TCF7: variants seen among roughly 807,000 people sequenced by gnomAD.
TCF7 encodes the protein transcription factor 7, also known as T-cell-factor-7.
In TCF7, 19 loss-of-function variants were observed where a neutral mutation model predicts 46.8. That is an observed-to-expected ratio of 0.41 (90% CI 0.28 to 0.60). TCF7 has a LOEUF of 0.60. Among genes scored for constraint, TCF7 ranks in the 20% least tolerant of loss-of-function variants. The probability of loss-of-function intolerance (pLI) is 0.35; values close to 1 mark genes in which losing one functional copy is unlikely to be tolerated. For synonymous variants in TCF7, 245 were observed against 213.4 expected (o/e 1.15, Z -1.29); for missense variants, 547 against 504.6 (o/e 1.08, Z -0.81).
chr5:134,110,494 G>A (rs1382471317), upstream of TCF7, among the ~76,000 whole-genome samples: 7 of 152,250 alleles, frequency 4.6e-5, no homozygotes, highest in East Asian at 3.9e-4. Context: ...GGACACACAC[G>A]CCCCAACAAA....
chr5:134,144,550 C>CCCTCCCATT (rs1339618194), intron 9 of TCF7: 5 of 515,160 alleles, frequency 9.7e-6, no homozygotes, highest in Non-Finnish European at 1.8e-5. Flanking sequence ...AGGACTCCCT[C>CCCTCCCATT]CCTCCCATTC....
At chr5:134,139,097 G>T in intron 5 of TCF7, 59 bp downstream of exon 5, 1 of 1,591,316 alleles carries the variant, frequency 6.3e-7, no homozygotes, top group South Asian at 1.1e-5. Context: ...AGACCTGCCT[G>T]CCCTTCCATT....
intron 1 of TCF7, 46 bp from the exon 2 acceptor site, chr5:134,115,275 C>T: frequency 6.7e-7 from 1 of 1,500,684 alleles, no homozygotes; most frequent in East Asian, 2.8e-5. Context: ...CGGCCCCGAC[C>T]CCCGCGGTCC....
chr5:134,118,657 T>C (rs956536820), intron 3 of TCF7, among the ~76,000 whole-genome samples: 1 of 152,152 alleles, frequency 6.6e-6, no homozygotes, highest in Non-Finnish European at 1.5e-5. Flanking sequence ...TTAAGCTTGT[T>C]TGAGGAAGAA....
chr5:134,145,060 C>A, intron 9 of TCF7: 1 of 643,356 alleles, frequency 1.6e-6, no homozygotes, highest in South Asian at 1.7e-5. Flanking sequence ...CCACTTGGGT[C>A]TAAGTGCAGG....
At chr5:134,108,692 T>C in the TCF7 span, among the ~76,000 whole-genome samples, 1 of 152,126 alleles carries the variant, frequency 6.6e-6, no homozygotes, top group African/African-American at 2.4e-5. Context: ...GAGGGAATAC[T>C]TGGAGGAATT....
chr5:134,131,946 C>T (rs1232320745), intron 3 of TCF7, among the ~76,000 whole-genome samples: 1 of 152,232 alleles, frequency 6.6e-6, no homozygotes, highest in Non-Finnish European at 1.5e-5. Flanking sequence ...CAACTACTGC[C>T]ACCAGGCAGG....
In TCF7 at chr5:134,143,611, C is replaced by T. The variant is rs373163251; in HGVS notation, c.1046C>T (p.Ser349Leu). 16 of 1,613,900 alleles carry T rather than the reference C, an allele frequency of 9.9e-6. No homozygotes were observed. Among genetic ancestry groups the T allele is most frequent in the East Asian group, 4.5e-5 (2 of 44,886 alleles). ...RDNYGKKKRRSREKHQESTTG... is the reference protein window; with the variant it reads ...RDNYGKKKRRLREKHQESTTG... ...CTGCAGGGGAAGAAGAAGAGGCGGT[C>T]GAGGGAAAAGCACCAAGAATCCACC... Residue 349 changes from serine (S) to leucine (L), a missense_variant, in exon 9 of 10, where the codon TCG (serine) becomes TTG (leucine). Transcript: ENST00000342854.
intron 9 of TCF7, 142 bp downstream of exon 9, chr5:134,143,782 C>A: frequency 2.3e-6 from 2 of 869,212 alleles, no homozygotes; most frequent in Non-Finnish European, 3.5e-6. Flanking sequence ...AGGCCTGCAT[C>A]TCACAAGTCA....
Position 134,115,851 on chromosome 5 carries a change from C to T in TCF7, c.317-58C>T, listed in dbSNP as rs202171148. On this transcript the variant is annotated intron_variant, in intron 2 of 9. Transcript: ENST00000342854. ...TTCTTTTTCTCTCAAGAGCAGACAGCCTTCAGTCCCAGCCGCTGCCAGGGC... is the reference window on the plus strand; with the variant it reads ...TTCTTTTTCTCTCAAGAGCAGACAGTCTTCAGTCCCAGCCGCTGCCAGGGC... The T allele has an allele frequency of 2.2e-5, 36 of 1,609,462 alleles. No individual in the cohort carries two copies. In the African/African-American group the frequency reaches 3.9e-4, roughly 17 times the overall value.
In TCF7 at chr5:134,147,356, A is replaced by T. The variant is rs1760829208; in HGVS notation, c.*1053A>T. ...ATCCAGTGTGCACCCCTCCCCATTC[A>T]CAGAGCCTTTTTCACAATTCCATTT... On this transcript the variant is annotated 3_prime_UTR_variant, in exon 10 of 10. Coordinates refer to ENST00000342854, the MANE Select transcript of TCF7 (RefSeq NM_003202.5). 1 of 152,352 alleles carries T rather than the reference A, an allele frequency of 6.6e-6. No individual in the cohort carries two copies. The highest frequency in any genetic ancestry group is 1.5e-5 in the Non-Finnish European group (1 of 68,168). The allele number at this position is 152,352 out of a possible 1,614,324, so 9.4% of individuals were successfully genotyped here.
At chr5:134,129,949 C>G (rs30490) in intron 3 of TCF7, among the ~76,000 whole-genome samples, 13,351 of 152,320 alleles carry the variant, frequency 0.088, 1,062 homozygotes, top group East Asian at 0.39. Flanking sequence ...TGCCATCCCC[C>G]ACCCCTTCCA....
rs737114 is a variant in TCF7 at position 134,115,823 on chromosome 5, C to T, written c.317-86C>T. 9.8e-4 allele frequency: 1,559 copies of T among 1,588,742 alleles called. 7 individuals are homozygous for T. The African/African-American group carries it at 0.019, about 19-fold the overall frequency. On this transcript the variant is annotated intron_variant, in intron 2 of 9. Transcript: ENST00000342854. ...CAGGAACTTGCAGGGGACCCCTTGG[C>T]AATTCTTTTTCTCTCAAGAGCAGAC...
Position 134,127,006 on chromosome 5 carries a change from C to G in TCF7, c.441+10973C>G, listed in dbSNP as rs553854698. 3.4e-4 allele frequency among the ~76,000 whole-genome samples: 52 copies of G among 152,296 alleles called. No individual in the cohort carries two copies. In the South Asian group the frequency reaches 0.011, roughly 31 times the overall value. ...GAGAGGATAAGGAATGCGCTGATAC[C>G]TGGCAGAGTCAGGATTTGAACTTTG... On this transcript the variant is annotated intron_variant, in intron 3 of 9. Coordinates refer to ENST00000342854, the MANE Select transcript of TCF7 (RefSeq NM_003202.5).
chr5:134,143,001 G>C lies in TCF7; in HGVS notation c.927G>C (p.Ala309=). 2 of 1,612,864 alleles carry C rather than the reference G, an allele frequency of 1.2e-6. No individual in the cohort carries two copies. Among genetic ancestry groups the C allele is most frequent in the South Asian group, 1.1e-5 (1 of 90,932 alleles). Residue 309 remains alanine (A), a synonymous_variant, in exon 8 of 10, where the codon GCG becomes GCC. Transcript: ENST00000342854. ...INQILGRRWH[A]LSREEQAKYY... ...CCTCTTCCCTGTTGCAGTGGCACGC[G>C]CTGTCGCGAGAAGAGCAGGCCAAGT...
At chr5:134,129,396 A>G (rs1757797388) in intron 3 of TCF7, among the ~76,000 whole-genome samples, 1 of 152,150 alleles carries the variant, frequency 6.6e-6, no homozygotes, top group African/African-American at 2.4e-5. Context: ...CAGCGGAGCT[A>G]TGAGGTTGTG....
chr5:134,144,571 C>G (rs556706584), intron 9 of TCF7: 12 of 548,940 alleles, frequency 2.2e-5, no homozygotes, highest in South Asian at 1.9e-4. Flanking sequence ...TTCCCACTGC[C>G]TCTACTGCGT....
At chr5:134,140,529 G>C in intron 5 of TCF7, 1 of 327,748 alleles carries the variant, frequency 3.1e-6, no homozygotes, top group Non-Finnish European at 6.0e-6. Flanking sequence ...GCCCTATACC[G>C]TCAAAGAAAC....
intron 3 of TCF7, among the ~76,000 whole-genome samples, chr5:134,123,136 G>C (rs152405): frequency 6.6e-6 from 1 of 152,190 alleles, no homozygotes; most frequent in African/African-American, 2.4e-5. Flanking sequence ...GAGTGGCAGC[G>C]GTGGTAGAGG....
Sources: gnomAD v4.1 joint callset for allele counts (sites outside exome capture counted in the v4.1 genomes callset) on GRCh38, gnomAD v4.1.1 for gene constraint, MANE v1.5 for transcripts, NCBI Gene and HGNC (gene_info 2026-07-23, HGNC 2026-07-21) for gene names.